SASH1: variants seen among roughly 807,000 people sequenced by gnomAD.
SASH1 encodes SAM and SH3 domain containing 1.
SASH1 carries 44 observed loss-of-function variants against 125.2 expected under a neutral mutation model. That is an observed-to-expected ratio of 0.35 (90% confidence interval 0.28 to 0.45). The LOEUF is 0.45. SASH1 is among the 20% of genes least tolerant of loss of function. The probability of loss-of-function intolerance (pLI) is 1.00; values close to 1 mark genes in which losing one functional copy is unlikely to be tolerated. For synonymous variants in SASH1, 639 were observed against 649.1 expected (o/e 0.98, Z 0.24); for missense variants, 1,426 against 1,614.5 (o/e 0.88, Z 2.00).
At chr6:148,402,325 T>G (rs556657693) in intron 2 of SASH1, among the ~76,000 whole-genome samples, 1 of 152,280 alleles carries the variant, frequency 6.6e-6, no homozygotes, top group South Asian at 2.1e-4. Context: ...TTGTTTGTTT[T>G]TTTGTTTAAG....
the SASH1 span, among the ~76,000 whole-genome samples, chr6:148,251,837 C>T: frequency 1.3e-3 from 144 of 109,920 alleles, 2 homozygotes; most frequent in African/African-American, 4.8e-3. Context: ...CCCCCCTCCC[C>T]CCACCCCACA....
chr6:148,320,578 A>T (rs1257311758), intron 1 of SASH1, among the ~76,000 whole-genome samples: 1 of 152,216 alleles, frequency 6.6e-6, no homozygotes, highest in Non-Finnish European at 1.5e-5. Flanking sequence ...CCAAAAGACA[A>T]AGGGTGGGTT....
the SASH1 span, among the ~76,000 whole-genome samples, chr6:148,264,622 C>T: frequency 6.6e-6 from 1 of 152,202 alleles, no homozygotes; most frequent in Non-Finnish European, 1.5e-5. Flanking sequence ...CACACCCAGT[C>T]ATACTTGACT....
intron 1 of SASH1, among the ~76,000 whole-genome samples, chr6:148,368,749 C>T (rs559396066): frequency 1.4e-5 from 2 of 147,204 alleles, no homozygotes; most frequent in African/African-American, 5.1e-5. Flanking sequence ...CAACCTCCCC[C>T]ACATGCGCGC....
chr6:148,540,521 C>T lies in SASH1; in HGVS notation c.2174C>T (p.Ser725Leu). The T allele has an allele frequency of 6.2e-7, 1 of 1,614,066 alleles. No individual in the cohort carries two copies. Among genetic ancestry groups the T allele is most frequent in the Non-Finnish European group, 8.5e-7 (1 of 1,179,996 alleles). The change falls in exon 17 of 20, where the codon TCA (serine) becomes TTA (leucine). Residue 725 changes from serine to leucine, a missense_variant. Physicochemically the swap from Ser to Leu is moderately radical, Grantham distance 145. Around this residue, in one of 3 missense-constraint regions of SASH1, gnomAD observed 634 missense variants for 694.4 expected, o/e 0.91. Coordinates refer to ENST00000367467, the MANE Select transcript of SASH1 (RefSeq NM_015278.5). ...CTGAGTGGATGCTCACCCCGAGACTCAGGATGCTACGAAAGCAGTGAGAAC... is the reference window on the plus strand; with the variant it reads ...CTGAGTGGATGCTCACCCCGAGACTTAGGATGCTACGAAAGCAGTGAGAAC... ...QGLSGCSPRD[S>L]GCYESSENLE...
At chr6:148,442,603 A>G (rs996234904) in intron 4 of SASH1, among the ~76,000 whole-genome samples, 12 of 151,878 alleles carry the variant, frequency 7.9e-5, no homozygotes, top group African/African-American at 2.4e-4. Flanking sequence ...TTGAGAATAA[A>G]TGGTAGACAT....
At chr6:148,282,158 C>T (rs1302118335) in intron 1 of SASH1, among the ~76,000 whole-genome samples, 2 of 152,166 alleles carry the variant, frequency 1.3e-5, no homozygotes, top group Admixed American at 6.5e-5. Flanking sequence ...GGTCTCCGCC[C>T]GGGGCTACAG....
chr6:148,204,284 C>T, the SASH1 span, among the ~76,000 whole-genome samples: 3 of 152,186 alleles, frequency 2.0e-5, no homozygotes, highest in African/African-American at 7.2e-5. Context: ...TGTATAGAAA[C>T]CACCACAATC....
intron 1 of SASH1, among the ~76,000 whole-genome samples, chr6:148,343,889 T>C (rs948084335): frequency 6.6e-6 from 1 of 152,180 alleles, no homozygotes; most frequent in African/African-American, 2.4e-5. Flanking sequence ...CTTGGGGAAG[T>C]AATAGATTTG....
chr6:148,227,889 T>C, the SASH1 span, among the ~76,000 whole-genome samples: 6 of 152,274 alleles, frequency 3.9e-5, no homozygotes, highest in South Asian at 1.0e-3. Context: ...GGTTTGATCA[T>C]GTCATACTCC....
At chr6:148,326,316 C>T (rs1363148183) in intron 1 of SASH1, among the ~76,000 whole-genome samples, 1 of 24,818 alleles carries the variant, frequency 4.0e-5, no homozygotes, top group African/African-American at 1.9e-4. Flanking sequence ...GAGTGAGCCA[C>T]CGCATGCATA....
At position 148,546,281 on chromosome 6, in the gene SASH1, T is replaced by C. The variant is rs986271005; in HGVS notation, c.3480+135T>C. 8.9e-6 allele frequency: 9 copies of C among 1,006,090 alleles called. No individual in the cohort carries two copies. The Admixed American group carries it at 2.6e-4, about 29-fold the overall frequency. 62.3% of individuals were successfully genotyped at this position (1,006,090 alleles called of 1,614,324 possible). On this transcript the variant is annotated intron_variant, in intron 19 of 19. Coordinates refer to ENST00000367467, the MANE Select transcript of SASH1 (RefSeq NM_015278.5). ...GGAGACAGCTGGGGAGAAAGTAATA[T>C]GTGGTCAGCCTAGAAATGTTTAAAA...
Position 148,548,374 on chromosome 6 carries a change from T to C in SASH1, c.3560T>C (p.Ile1187Thr), listed in dbSNP as rs760470543. 1 of 1,614,192 alleles carries C rather than the reference T, an allele frequency of 6.2e-7. No homozygotes were observed. The highest frequency in any genetic ancestry group is 1.1e-5 in the South Asian group (1 of 91,082). Residue 1187 changes from isoleucine (I) to threonine (T), a missense_variant, in exon 20 of 20, where the codon ATT becomes ACT. This residue lies in a region of SASH1 where 634 missense variants were observed against 694.4 expected (regional missense o/e 0.91). Coordinates refer to ENST00000367467, the MANE Select transcript of SASH1 (RefSeq NM_015278.5). ...ATTTCGTCTGTGTCAGATTGGCTCA[T>C]TTCCATCGGTCTGCCCATGTACGCC... Reference protein sequence around the residue: ...GCISSVSDWLISIGLPMYAGT... With the variant: ...GCISSVSDWLTSIGLPMYAGT...
At position 148,393,220 on chromosome 6, in the gene SASH1, ATT is replaced by A. The variant is rs11368072; in HGVS notation, c.285+2976_285+2977del. Among the ~76,000 whole-genome samples, 491 of 126,892 alleles carry A rather than the reference ATT, an allele frequency of 3.9e-3. 2 individuals are homozygous for A. Among genetic ancestry groups the A allele is most frequent in the African/African-American group, 8.7e-3 (296 of 33,926 alleles). The allele number at this position is 126,892 out of a possible 152,430, so 83.2% of individuals were successfully genotyped here. ...CACCACCATGCCCGGCTAATTTTGT[ATT>A]TTTTTTTTTTTTTTTTTAGCAGAGA... On this transcript the variant is annotated intron_variant, in intron 2 of 19. Transcript: ENST00000367467.
chr6:148,348,431 T>C (rs1781588514), intron 1 of SASH1, among the ~76,000 whole-genome samples: 1 of 152,222 alleles, frequency 6.6e-6, no homozygotes, highest in African/African-American at 2.4e-5. Context: ...GTCTTTCTTT[T>C]GCTCAGCCAT....
At chr6:148,465,078 C>G (rs2115095733) in intron 4 of SASH1, among the ~76,000 whole-genome samples, 1 of 152,322 alleles carries the variant, frequency 6.6e-6, no homozygotes, top group Admixed American at 6.5e-5. Context: ...GAGGAAAATG[C>G]AATCACATTT....
intron 2 of SASH1, among the ~76,000 whole-genome samples, chr6:148,396,392 C>T (rs774900292): frequency 1.1e-4 from 16 of 143,292 alleles, no homozygotes; most frequent in African/African-American, 2.1e-4. Flanking sequence ...AAAGGAGAAT[C>T]GCTTGAACCC....
chr6:148,498,230 C>CA (rs763478830), intron 8 of SASH1, among the ~76,000 whole-genome samples: 1 of 58,832 alleles, frequency 1.7e-5, no homozygotes, highest in African/African-American at 9.3e-5. Flanking sequence ...CAAAAACAAA[C>CA]AAACAAAAAA....
intron 8 of SASH1, among the ~76,000 whole-genome samples, chr6:148,494,378 A>G (rs1029106008): frequency 1.3e-5 from 2 of 152,222 alleles, no homozygotes; most frequent in African/African-American, 4.8e-5. Context: ...GTGTTTCTGT[A>G]GCTGGAGTTC....
Sources: allele counts gnomAD v4.1 joint callset (sites outside exome capture counted in the v4.1 genomes callset), GRCh38; gene constraint gnomAD v4.1.1; regional missense constraint gnomAD v4.1.1; transcripts MANE v1.5; gene names NCBI Gene and HGNC (gene_info 2026-07-23, HGNC 2026-07-21).